The following DNM1L variants were observed in gnomAD, a reference collection of about 807,000 sequenced individuals.
The protein encoded by DNM1L is dynamin 1L, also known as dynamin-1-like protein.
Under a neutral mutation model 92.8 loss-of-function variants are expected in DNM1L, and 33 were observed. The ratio of observed to expected loss-of-function variants is 0.36; its 90% CI spans 0.27 to 0.48. The LOEUF (loss-of-function observed/expected upper bound fraction) is 0.48, where lower values mean the gene tolerates loss of function less well. Ranked by LOEUF, DNM1L falls within the 20% of genes least tolerant of loss-of-function variation. The pLI is 0.99. For missense variants in DNM1L, 485 were observed against 888.8 expected (o/e 0.55, Z 5.78); for synonymous variants, 284 against 305.0 (o/e 0.93, Z 0.72).
chr12:32,731,619 G>A lies in DNM1L; in HGVS notation c.1356+108G>A. 7.2e-7 allele frequency: 1 copy of A among 1,395,370 alleles called. No individual in the cohort carries two copies. The highest frequency in any genetic ancestry group is 1.2e-5 in the South Asian group (1 of 83,154). The allele number at this position is 1,395,370 out of a possible 1,614,324, so 86.4% of individuals were successfully genotyped here. A position where few individuals can be genotyped will look rare whatever the true frequency, so the allele number is the denominator to read the frequency against. ...TAAGATGGGATACAAGGTAAAATCTGTAGTTCCCTTACCTGAAAGTGATTT... is the reference window on the plus strand; with the variant it reads ...TAAGATGGGATACAAGGTAAAATCTATAGTTCCCTTACCTGAAAGTGATTT... On this transcript the variant is annotated intron_variant, in intron 11 of 19. Coordinates refer to ENST00000549701, the MANE Select transcript of DNM1L (RefSeq NM_012062.5). The surrounding 1 kb of genome is among the most constrained non-coding windows in gnomAD (Gnocchi z 5.1).
At chr12:32,691,720 A>G (rs1437527556) in intron 1 of DNM1L, among the ~76,000 whole-genome samples, 2 of 151,506 alleles carry the variant, frequency 1.3e-5, no homozygotes, top group African/African-American at 2.4e-5. Context: ...ATTAGAGATA[A>G]GAGATTGAAG....
chr12:32,722,579 C>T lies in DNM1L; in HGVS notation c.1025C>T (p.Thr342Ile). Residue 342 changes from threonine (T) to isoleucine (I), a missense_variant, in exon 9 of 20, where the codon ACA (threonine) becomes ATA (isoleucine). Thr to Ile is a moderately conservative substitution (Grantham distance 89, BLOSUM62 -1). Transcript: ENST00000549701. ...CTCCAACTTATTACCAAATTTGCCA[C>T]AGAATATTGTAACACTATTGAAGGA... is the stretch of plus-strand genomic sequence containing the variant. ...TLLQLITKFATEYCNTIEGTA... is the reference protein window; with the variant it reads ...TLLQLITKFAIEYCNTIEGTA... 6.2e-7 allele frequency: 1 copy of T among 1,613,272 alleles called. No individual in the cohort carries two copies. The highest frequency in any genetic ancestry group is 1.1e-5 in the South Asian group (1 of 91,060).
rs949492636 is a variant in DNM1L at position 32,738,377 on chromosome 12, T to A, written c.1707+81T>A. ...CTGTCTATACCACCATTAAAGAACC[T>A]GTTTGTGTAGTGGTATCTATCTCTT... is the stretch of plus-strand genomic sequence containing the variant. On this transcript the variant is annotated intron_variant, in intron 16 of 19. Coordinates refer to ENST00000549701, the MANE Select transcript of DNM1L (RefSeq NM_012062.5). 6 of 1,479,840 alleles carry A rather than the reference T, an allele frequency of 4.1e-6. No homozygotes were observed. In the African/African-American group the frequency reaches 6.9e-5, roughly 17 times the overall value. The allele number at this position is 1,479,840 out of a possible 1,614,324, so 91.7% of individuals were successfully genotyped here.
Position 32,688,075 on chromosome 12 carries a change from C to G in DNM1L, c.102+8610C>G, listed in dbSNP as rs79632548. On this transcript the variant is annotated intron_variant, in intron 1 of 19. Coordinates refer to ENST00000549701, the MANE Select transcript of DNM1L (RefSeq NM_012062.5). ...AAGTAGCTGAGATTACAGGTGCCCACCACCATGCCTGGCTAATATTTGTTT... is the reference window on the plus strand; with the variant it reads ...AAGTAGCTGAGATTACAGGTGCCCAGCACCATGCCTGGCTAATATTTGTTT... Among the ~76,000 whole-genome samples the G allele has an allele frequency of 5.7e-3, 868 of 152,248 alleles. 6 individuals carry two copies. The highest frequency in any genetic ancestry group is 0.019 in the African/African-American group (782 of 41,542).
chr12:32,736,989 C>T, intron 13 of DNM1L, 116 bp from the exon 14 acceptor site: 2 of 927,090 alleles, frequency 2.2e-6, no homozygotes, highest in Admixed American at 4.0e-5. Flanking sequence ...TGAGTCCCAA[C>T]AGTGAGAGGA....
chr12:32,743,345 T>G lies in DNM1L; in HGVS notation c.2155-9T>G, dbSNP rs765202764. 1 of 1,613,544 alleles carries G rather than the reference T, an allele frequency of 6.2e-7. No homozygotes were observed. On this transcript the variant is annotated splice_polypyrimidine_tract_variant and intron_variant, in intron 19 of 19. Transcript: ENST00000549701. ...ATAAGCATTTAAAATTTTTTTTCCT[T>G]TAATGCAGGCATTACAAGGAGCCAG...
Position 32,738,316 on chromosome 12 carries a change from A to G in DNM1L, c.1707+20A>G. The G allele has an allele frequency of 6.2e-7, 1 of 1,613,494 alleles. No homozygotes were observed. Among genetic ancestry groups the G allele is most frequent in the Non-Finnish European group, 8.5e-7 (1 of 1,179,604 alleles). Reference sequence around the variant, plus strand: ...AAAAATGTGAGTCTCTTGCTTCAGAATGGAAATGTTGGTACCTTTGGTTCT... The same window carrying G: ...AAAAATGTGAGTCTCTTGCTTCAGAGTGGAAATGTTGGTACCTTTGGTTCT... On this transcript the variant is annotated intron_variant, in intron 16 of 19. Coordinates refer to ENST00000549701, the MANE Select transcript of DNM1L (RefSeq NM_012062.5).
intron 1 of DNM1L, chr12:32,692,622 AG>A (rs1181037509): frequency 6.6e-6 from 1 of 152,260 alleles, no homozygotes; most frequent in African/African-American, 2.4e-5. Context: ...AAGAACACAG[AG>A]TCCATAATTT....
At chr12:32,702,887 T>C (rs572313932) in intron 2 of DNM1L, among the ~76,000 whole-genome samples, 7 of 152,326 alleles carry the variant, frequency 4.6e-5, no homozygotes, top group East Asian at 3.9e-4. Context: ...CTAATACTTA[T>C]TGAAGTTCTG....
chr12:32,731,535 T>C lies in DNM1L; in HGVS notation c.1356+24T>C. 1 of 1,613,336 alleles carries C rather than the reference T, an allele frequency of 6.2e-7. No homozygotes were observed. Among genetic ancestry groups the C allele is most frequent in the Non-Finnish European group, 8.5e-7 (1 of 1,179,906 alleles). The stretch of plus-strand genomic sequence containing the variant: ...AGGTAACGGAGAGAAATGTAACAGG[T>C]TTCACATGAACTAGAAAAGGACATG... On this transcript the variant is annotated intron_variant, in intron 11 of 19. Transcript: ENST00000549701. This position sits in a 1 kb window ranked among gnomAD's most constrained non-coding sequence, Gnocchi z 5.1.
intron 6 of DNM1L, among the ~76,000 whole-genome samples, chr12:32,716,742 G>GTA (rs71447619): frequency 0.16 from 22,907 of 138,930 alleles, 1,829 homozygotes; most frequent in Middle Eastern, 0.23. Flanking sequence ...ACTATATATA[G>GTA]TATATATATA....
At chr12:32,709,316 T>C (rs1346151475) in intron 4 of DNM1L, among the ~76,000 whole-genome samples, 1 of 152,174 alleles carries the variant, frequency 6.6e-6, no homozygotes, top group Non-Finnish European at 1.5e-5. Context: ...GGAATGTTAT[T>C]GATCATAACA....
At position 32,745,250 on chromosome 12, in the gene DNM1L, C is replaced by A; in HGVS notation, c.*1840C>A. 1 of 253,588 alleles carries A rather than the reference C, an allele frequency of 3.9e-6. No homozygotes were observed. Among genetic ancestry groups the A allele is most frequent in the Non-Finnish European group, 7.7e-6 (1 of 129,200 alleles). The allele number at this position is 253,588 out of a possible 1,614,324, so 15.7% of individuals were successfully genotyped here. A position where few individuals can be genotyped will look rare whatever the true frequency, so the allele number is the denominator to read the frequency against. ...TTCATGATTTACTTTTTCCAGATGA[C>A]TATCATTATTCTAGTCCTTTGAATT... On this transcript the variant is annotated 3_prime_UTR_variant, in exon 20 of 20. Coordinates refer to ENST00000549701, the MANE Select transcript of DNM1L (RefSeq NM_012062.5).
chr12:32,721,669 T>A (rs1953813771), intron 8 of DNM1L, among the ~76,000 whole-genome samples: 1 of 152,140 alleles, frequency 6.6e-6, no homozygotes, highest in African/African-American at 2.4e-5. Context: ...GTCCTTTAAT[T>A]CAATGCTAAC....
chr12:32,745,235 A>C lies in DNM1L; in HGVS notation c.*1825A>C, dbSNP rs990029593. The C allele has an allele frequency of 8.2e-6, 2 of 244,432 alleles. No individual in the cohort carries two copies. The highest frequency in any genetic ancestry group is 1.6e-5 in the Non-Finnish European group (2 of 124,656). 15.1% of individuals were successfully genotyped at this position (244,432 alleles called of 1,614,324 possible). A position where few individuals can be genotyped will look rare whatever the true frequency, so the allele number is the denominator to read the frequency against. On this transcript the variant is annotated 3_prime_UTR_variant, in exon 20 of 20. Coordinates refer to ENST00000549701, the MANE Select transcript of DNM1L (RefSeq NM_012062.5). ...TCAAAATTATAGCCATTCATGATTT[A>C]CTTTTTCCAGATGACTATCATTATT...
intron 9 of DNM1L, among the ~76,000 whole-genome samples, chr12:32,724,197 T>C (rs1277499274): frequency 3.3e-5 from 5 of 152,172 alleles, no homozygotes; most frequent in Non-Finnish European, 2.9e-5. Context: ...CTATGTGCTA[T>C]CCCTGTAGTA....
intron 1 of DNM1L, among the ~76,000 whole-genome samples, chr12:32,680,556 G>A (rs1427454693): frequency 2.0e-5 from 3 of 152,094 alleles, no homozygotes; most frequent in Non-Finnish European, 2.9e-5. Context: ...AATAGTTGAA[G>A]CAATAGAAAT....
At position 32,727,176 on chromosome 12, in the gene DNM1L, G is replaced by A. The variant is rs965114085; in HGVS notation, c.1080-3838G>A. On this transcript the variant is annotated intron_variant, in intron 9 of 19. Transcript: ENST00000549701. ...TGGTTTCCATTCACATTCTTCCTCT[G>A]TAGGTTCATAAATTGTATTAGTAAT... 3.4e-6 allele frequency: 3 copies of A among 887,236 alleles called. No homozygotes were observed. The African/African-American group carries it at 4.9e-5, about 15-fold the overall frequency. The allele number at this position is 887,236 out of a possible 1,614,324, so 55.0% of individuals were successfully genotyped here.
chr12:32,708,992 A>G (rs1217617710), intron 4 of DNM1L, among the ~76,000 whole-genome samples: 1 of 152,144 alleles, frequency 6.6e-6, no homozygotes, highest in Non-Finnish European at 1.5e-5. Flanking sequence ...CTAGCCTAGT[A>G]CTAATATTCA....
Sources: allele counts gnomAD v4.1 joint callset (sites outside exome capture counted in the v4.1 genomes callset), GRCh38; gene constraint gnomAD v4.1.1; non-coding constraint Gnocchi (gnomAD v3.1); transcripts MANE v1.5; gene names NCBI Gene and HGNC (gene_info 2026-07-23, HGNC 2026-07-21).